INVS: variants seen among roughly 807,000 people sequenced by gnomAD.
INVS encodes the protein inversion of embryo turning homolog.
In INVS, 86 loss-of-function variants were observed where a neutral mutation model predicts 108.8. The ratio of observed to expected loss-of-function variants is 0.79; its 90% CI spans 0.66 to 0.95. INVS has a LOEUF of 0.95. INVS is among the 40% of genes least tolerant of loss of function. The pLI is 0.00. For synonymous variants in INVS, 455 were observed against 473.5 expected (o/e 0.96, Z 0.51); for missense variants, 1,169 against 1,297.4 (o/e 0.90, Z 1.52).
chr9:100,290,803 C>G (rs1277520960), intron 13 of INVS, among the ~76,000 whole-genome samples: 1 of 151,674 alleles, frequency 6.6e-6, no homozygotes, highest in African/African-American at 2.4e-5. Context: ...CCTCAACCTC[C>G]CAGCCTCAAG....
At chr9:100,147,590 T>C (rs2118970496) in intron 3 of INVS, among the ~76,000 whole-genome samples, 1 of 152,300 alleles carries the variant, frequency 6.6e-6, no homozygotes, top group African/African-American at 2.4e-5. Context: ...GGCAATTCCA[T>C]TTCTGGTAAT....
intron 3 of INVS, among the ~76,000 whole-genome samples, chr9:100,204,215 G>C (rs1176661961): frequency 6.6e-6 from 1 of 152,156 alleles, no homozygotes; most frequent in Non-Finnish European, 1.5e-5. Flanking sequence ...TTTATGTTTA[G>C]ATAACTAGTT....
chr9:100,116,211 C>G (rs1827520389), intron 2 of INVS, among the ~76,000 whole-genome samples: 1 of 150,790 alleles, frequency 6.6e-6, no homozygotes, highest in Non-Finnish European at 1.5e-5. Context: ...TTAAGTGATT[C>G]TCATGCCTCA....
At chr9:100,195,289 C>T (rs926018306) in intron 3 of INVS, among the ~76,000 whole-genome samples, 4 of 152,144 alleles carry the variant, frequency 2.6e-5, no homozygotes, top group Non-Finnish European at 5.9e-5. Flanking sequence ...GCCTTTTCTA[C>T]ATCTATTGGA....
At chr9:100,240,735 A>G (rs558463748) in intron 6 of INVS, among the ~76,000 whole-genome samples, 4 of 152,198 alleles carry the variant, frequency 2.6e-5, no homozygotes, top group East Asian at 3.9e-4. Flanking sequence ...TTCTCTTTCA[A>G]TGAAGGAGTT....
chr9:100,158,667 G>C (rs879753487), intron 3 of INVS, among the ~76,000 whole-genome samples: 2 of 152,112 alleles, frequency 1.3e-5, no homozygotes, highest in Admixed American at 1.3e-4. Context: ...AAATACTTTG[G>C]GGAATACAAA....
Position 100,252,609 on chromosome 9 carries a change from T to C in INVS, c.1234+171T>C, listed in dbSNP as rs34831686. Among the ~76,000 whole-genome samples, 906 of 152,306 alleles carry C rather than the reference T, an allele frequency of 5.9e-3. 6 individuals are homozygous for C. Among genetic ancestry groups the C allele is most frequent in the Non-Finnish European group, 0.01 (698 of 68,026 alleles). ...CAAGTTCTACTCCTAGCTCCACTTGTTGGGAGTTGCTTGATACAGGAAAAG... is the reference window on the plus strand; with the variant it reads ...CAAGTTCTACTCCTAGCTCCACTTGCTGGGAGTTGCTTGATACAGGAAAAG... On this transcript the variant is annotated intron_variant, in intron 9 of 16. Coordinates refer to ENST00000262457, the MANE Select transcript of INVS (RefSeq NM_014425.5).
chr9:100,184,654 A>G (rs915163404), intron 3 of INVS, among the ~76,000 whole-genome samples: 1 of 152,150 alleles, frequency 6.6e-6, no homozygotes, highest in Non-Finnish European at 1.5e-5. Context: ...CTTTTGCTAC[A>G]TTGGGAAGAC....
chr9:100,271,010 CA>C (rs1431150660), intron 11 of INVS, among the ~76,000 whole-genome samples: 1 of 151,210 alleles, frequency 6.6e-6, no homozygotes, highest in African/African-American at 2.4e-5. Flanking sequence ...AACAATATGA[CA>C]ATAATATTCA....
intron 3 of INVS, among the ~76,000 whole-genome samples, chr9:100,205,180 C>T (rs545809436): frequency 4.6e-5 from 7 of 152,138 alleles, no homozygotes; most frequent in Non-Finnish European, 8.8e-5. Context: ...TTTATGGCCA[C>T]TCTGCTGGTG....
chr9:100,157,625 GAA>G (rs1312785155), intron 3 of INVS, among the ~76,000 whole-genome samples: 1 of 152,056 alleles, frequency 6.6e-6, no homozygotes, highest in African/African-American at 2.4e-5. Flanking sequence ...TAAATTATAG[GAA>G]AACATTTTCA....
intron 3 of INVS, among the ~76,000 whole-genome samples, chr9:100,140,189 C>T (rs892847308): frequency 1.7e-4 from 26 of 152,160 alleles, no homozygotes; most frequent in Non-Finnish European, 2.8e-4. Context: ...GTTTCATGCA[C>T]GTCTGTGTAA....
intron 3 of INVS, among the ~76,000 whole-genome samples, chr9:100,207,280 A>C (rs906086561): frequency 6.6e-6 from 1 of 151,804 alleles, no homozygotes; most frequent in Admixed American, 6.6e-5. Flanking sequence ...TTATTCATTC[A>C]TTTTTTATTT....
chr9:100,148,719 T>A (rs958057156), intron 3 of INVS, among the ~76,000 whole-genome samples: 1 of 152,220 alleles, frequency 6.6e-6, no homozygotes, highest in African/African-American at 2.4e-5. Context: ...TACAAAAACA[T>A]TTTAAATGAA....
intron 1 of INVS, among the ~76,000 whole-genome samples, chr9:100,100,757 AT>A (rs1826859083): frequency 2.6e-5 from 1 of 38,752 alleles, no homozygotes. Context: ...TACATATAAT[AT>A]ATATAATATA....
intron 11 of INVS, among the ~76,000 whole-genome samples, chr9:100,267,794 G>A (rs1435419334): frequency 4.6e-5 from 7 of 152,146 alleles, no homozygotes; most frequent in Non-Finnish European, 7.3e-5. Context: ...TTAAAATGAT[G>A]CTAGATATTT....
intron 14 of INVS, among the ~76,000 whole-genome samples, chr9:100,294,006 A>G (rs1833709651): frequency 6.6e-6 from 1 of 152,068 alleles, no homozygotes; most frequent in Non-Finnish European, 1.5e-5. Context: ...CGTCTCTACA[A>G]AAAGTACAAC....
intron 3 of INVS, among the ~76,000 whole-genome samples, chr9:100,150,862 G>A (rs1415591560): frequency 2.6e-5 from 4 of 152,156 alleles, no homozygotes; most frequent in Non-Finnish European, 5.9e-5. Context: ...AGGTGCAAAT[G>A]ATCATTTACA....
At chr9:100,113,363 C>T (rs892574180) in intron 2 of INVS, among the ~76,000 whole-genome samples, 8 of 152,218 alleles carry the variant, frequency 5.3e-5, no homozygotes, top group Non-Finnish European at 1.2e-4. Context: ...AACCTGAATA[C>T]ATCTGTAAGG....
Sources: allele counts gnomAD v4.1 joint callset (sites outside exome capture counted in the v4.1 genomes callset), GRCh38; gene constraint gnomAD v4.1.1; transcripts MANE v1.5; gene names NCBI Gene and HGNC (gene_info 2026-07-23, HGNC 2026-07-21).